LSAMP: variants seen among roughly 807,000 people sequenced by gnomAD.
LSAMP encodes limbic system associated membrane protein.
In LSAMP, 7 loss-of-function variants were observed where a neutral mutation model predicts 38.6. That is an observed-to-expected ratio of 0.18 (90% CI 0.10 to 0.34). The LOEUF (loss-of-function observed/expected upper bound fraction) is 0.34, where lower values mean the gene tolerates loss of function less well. LSAMP is among the 10% of genes least tolerant of loss of function. The pLI is 1.00. For missense variants in LSAMP, 313 were observed against 420.0 expected (o/e 0.75, Z 2.23); for synonymous variants, 154 against 166.8 (o/e 0.92, Z 0.59).
chr3:116,070,090 A>G (rs1160570980), intron 2 of LSAMP, among the ~76,000 whole-genome samples: 1 of 152,214 alleles, frequency 6.6e-6, no homozygotes, highest in Non-Finnish European at 1.5e-5. Flanking sequence ...CAGGAAATAA[A>G]GAGAAAAGGA....
intron 1 of LSAMP, among the ~76,000 whole-genome samples, chr3:116,164,754 ATATATATTTTT>A (rs1710002885): frequency 1.8e-5 from 1 of 55,048 alleles, no homozygotes; most frequent in Admixed American, 2.0e-4. Context: ...ATATATATAT[ATATATATTTTT>A]TTTTTTTTTC....
chr3:115,868,057 C>T (rs953500050), intron 3 of LSAMP, among the ~76,000 whole-genome samples: 1 of 152,042 alleles, frequency 6.6e-6, no homozygotes, highest in Admixed American at 6.6e-5. Flanking sequence ...AATATAGTTA[C>T]AGTTGGTCTA....
At chr3:116,121,420 T>G (rs1708873064) in intron 1 of LSAMP, among the ~76,000 whole-genome samples, 2 of 152,230 alleles carry the variant, frequency 1.3e-5, no homozygotes, top group Admixed American at 1.3e-4. Context: ...ATTTTAACTT[T>G]ATCGAAACTT....
intron 1 of LSAMP, among the ~76,000 whole-genome samples, chr3:116,147,974 T>G (rs918886567): frequency 6.7e-6 from 1 of 150,170 alleles, no homozygotes; most frequent in Non-Finnish European, 1.5e-5. Context: ...ATACAATTTT[T>G]TTGTCCTTAG....
chr3:116,328,306 G>C (rs2047801566), intron 1 of LSAMP, among the ~76,000 whole-genome samples: 1 of 152,142 alleles, frequency 6.6e-6, no homozygotes, highest in Admixed American at 6.5e-5. Flanking sequence ...TTGCAAGCCT[G>C]ACACTGATGA....
chr3:116,041,822 A>C (rs1443407160), intron 2 of LSAMP, among the ~76,000 whole-genome samples: 33 of 151,836 alleles, frequency 2.2e-4, no homozygotes, highest in Admixed American at 2.0e-3. Context: ...AAAACAAAAA[A>C]AAAACACCTT....
chr3:116,051,739 C>T (rs1941400088), intron 2 of LSAMP, among the ~76,000 whole-genome samples: 1 of 152,094 alleles, frequency 6.6e-6, no homozygotes, highest in African/African-American at 2.4e-5. Context: ...TGTACTTTGG[C>T]TGCCCACCCA....
intron 1 of LSAMP, among the ~76,000 whole-genome samples, chr3:116,418,498 T>A (rs749251222): frequency 9.9e-5 from 15 of 152,254 alleles, no homozygotes; most frequent in South Asian, 2.1e-4. Flanking sequence ...TGTTTTTTTT[T>A]AAATTTATTT....
chr3:116,414,894 C>T (rs1054091740), intron 1 of LSAMP, among the ~76,000 whole-genome samples: 1 of 152,084 alleles, frequency 6.6e-6, no homozygotes, highest in African/African-American at 2.4e-5. Context: ...TTCCTACAGG[C>T]CCTTCACTCT....
chr3:115,851,837 C>G (rs58915061), intron 4 of LSAMP, among the ~76,000 whole-genome samples: 1,819 of 152,252 alleles, frequency 0.012, 29 homozygotes, highest in African/African-American at 0.042. Context: ...ATCCTCCCCC[C>G]GCCCACCCTC....
intron 1 of LSAMP, among the ~76,000 whole-genome samples, chr3:116,314,088 G>A (rs1387599259): frequency 6.6e-6 from 1 of 152,224 alleles, no homozygotes; most frequent in Non-Finnish European, 1.5e-5. Context: ...GTGGTACAGA[G>A]AAGTTAAGAT....
intron 1 of LSAMP, among the ~76,000 whole-genome samples, chr3:116,338,663 G>C (rs926381327): frequency 6.6e-6 from 1 of 152,086 alleles, no homozygotes; most frequent in East Asian, 1.9e-4. Flanking sequence ...CTAAAAGATG[G>C]ATGTGTAAGG....
chr3:116,278,796 A>AATTT (rs2047086585), intron 1 of LSAMP, among the ~76,000 whole-genome samples: 1 of 152,172 alleles, frequency 6.6e-6, no homozygotes, highest in Non-Finnish European at 1.5e-5. Flanking sequence ...TGATAAATAC[A>AATTT]ATTTTATTAA....
chr3:116,204,569 G>A (rs1401140652), intron 1 of LSAMP, among the ~76,000 whole-genome samples: 1 of 151,206 alleles, frequency 6.6e-6, no homozygotes, highest in Non-Finnish European at 1.5e-5. Flanking sequence ...ATCTTGAATT[G>A]ATTTTTGTAT....
At chr3:115,981,756 A>G (rs1401463881) in intron 3 of LSAMP, among the ~76,000 whole-genome samples, 1 of 152,182 alleles carries the variant, frequency 6.6e-6, no homozygotes, top group Non-Finnish European at 1.5e-5. Context: ...TAACAACAAC[A>G]ACAAAAAACA....
intron 1 of LSAMP, among the ~76,000 whole-genome samples, chr3:116,180,314 A>G (rs889608212): frequency 6.6e-6 from 1 of 152,134 alleles, no homozygotes; most frequent in African/African-American, 2.4e-5. Flanking sequence ...AAAATACAAG[A>G]TGCAATGAGA....
At chr3:116,300,744 G>A (rs1023153375) in intron 1 of LSAMP, among the ~76,000 whole-genome samples, 3 of 152,074 alleles carry the variant, frequency 2.0e-5, no homozygotes, top group Non-Finnish European at 4.4e-5. Flanking sequence ...TGGAAAAATC[G>A]CCTTCTATGA....
intron 3 of LSAMP, among the ~76,000 whole-genome samples, chr3:115,922,849 T>C (rs944541238): frequency 1.3e-5 from 2 of 152,202 alleles, no homozygotes; most frequent in Non-Finnish European, 2.9e-5. Context: ...TTATAATCTC[T>C]TCCTCCATCT....
intron 1 of LSAMP, among the ~76,000 whole-genome samples, chr3:116,370,987 A>C (rs1216161751): frequency 6.6e-6 from 1 of 152,182 alleles, no homozygotes; most frequent in East Asian, 1.9e-4. Flanking sequence ...AGAACCACAA[A>C]ACCTACCAAA....
Sources: gnomAD v4.1 joint callset for allele counts (sites outside exome capture counted in the v4.1 genomes callset) on GRCh38, gnomAD v4.1.1 for gene constraint, MANE v1.5 for transcripts, NCBI Gene and HGNC (gene_info 2026-07-23, HGNC 2026-07-21) for gene names.